The following MYBPH variants were observed in gnomAD, a reference collection of about 807,000 sequenced individuals.
MYBPH encodes the protein myosin-binding protein H.
Under a neutral mutation model 53.6 loss-of-function variants are expected in MYBPH, and 49 were observed. The ratio of observed to expected loss-of-function variants is 0.91; its 90% CI spans 0.73 to 1.16. The LOEUF (loss-of-function observed/expected upper bound fraction) is 1.16. MYBPH is among the 50% of genes most tolerant of loss of function. The pLI, the probability that MYBPH is intolerant of heterozygous loss-of-function variation, is 0.00. For missense variants in MYBPH, 558 were observed against 624.1 expected (o/e 0.89, Z 1.13); for synonymous variants, 239 against 249.6 (o/e 0.96, Z 0.40).
chr1:203,171,917 C>T lies in MYBPH; in HGVS notation c.597+35G>A. The T allele has an allele frequency of 1.6e-6, 2 of 1,266,852 alleles. No individual in the cohort carries two copies. The highest frequency in any genetic ancestry group is 1.0e-6 in the Non-Finnish European group (1 of 985,766). The allele number at this position is 1,266,852 out of a possible 1,614,324, so 78.5% of individuals were successfully genotyped here. A position where few individuals can be genotyped will look rare whatever the true frequency, so the allele number is the denominator to read the frequency against. ...CCTTAAATGGGGGCCCTGGTTCCCACCCAGGCTGTTACCCTTGGTGGGGGT... is the reference window on the plus strand; with the variant it reads ...CCTTAAATGGGGGCCCTGGTTCCCATCCAGGCTGTTACCCTTGGTGGGGGT... On this transcript the variant is annotated intron_variant, in intron 4 of 10. Coordinates refer to ENST00000255416, the MANE Select transcript of MYBPH (RefSeq NM_004997.3). The surrounding 1 kb of genome is among the most constrained non-coding windows in gnomAD (Gnocchi z 4.2).
At chr1:203,173,909 GC>G (rs1264677230) in intron 3 of MYBPH, among the ~76,000 whole-genome samples, 2 of 152,238 alleles carry the variant, frequency 1.3e-5, no homozygotes, top group African/African-American at 4.8e-5. Context: ...GGCCTGCGGG[GC>G]CCCAGTGAGG....
chr1:203,178,833 G>C (rs1190534530), upstream of MYBPH: 4 of 152,278 alleles, frequency 2.6e-5, no homozygotes, highest in Admixed American at 6.5e-5. Flanking sequence ...AAGCTCAGGG[G>C]TCCCAAGGCT....
At chr1:203,169,568 T>C (rs1655656751) in intron 7 of MYBPH, among the ~76,000 whole-genome samples, 179 bp from the exon 8 acceptor site, 1 of 151,748 alleles carries the variant, frequency 6.6e-6, no homozygotes, top group Non-Finnish European at 1.5e-5. Context: ...GGGTGATGAG[T>C]AGAGATGAGA....
intron 2 of MYBPH, 122 bp from the exon 3 acceptor site, chr1:203,174,719 C>A: frequency 2.8e-6 from 3 of 1,075,736 alleles, no homozygotes; most frequent in Non-Finnish European, 3.8e-6. Context: ...CTCATTTTCC[C>A]CTTGTTTGCC....
chr1:203,177,567 G>A (rs185875710), upstream of MYBPH, among the ~76,000 whole-genome samples: 264 of 152,292 alleles, frequency 1.7e-3, 1 homozygote, highest in East Asian at 0.014. Context: ...GGATGCCCTC[G>A]CCCTCTGCTA....
chr1:203,169,034 G>T lies in MYBPH; in HGVS notation c.1289C>A (p.Ala430Asp). Residue 430 changes from alanine to aspartate, a missense_variant, in exon 9 of 11, where the codon GCC becomes GAC. Physicochemically the swap from Ala to Asp is moderately radical, Grantham distance 126. Transcript: ENST00000255416. Reference protein sequence around the residue: ...MEIQGNPKYRALSEQGVCTLE... With the variant: ...MEIQGNPKYRDLSEQGVCTLE... Reference sequence around the variant, plus strand: ...GGTGCAGACGCCTTGCTCAGAGAGGGCGCGGTATTTGGGGTTGCCCTGGAT... The same window carrying T: ...GGTGCAGACGCCTTGCTCAGAGAGGTCGCGGTATTTGGGGTTGCCCTGGAT... The T allele has an allele frequency of 1.2e-6, 2 of 1,613,942 alleles. No homozygotes were observed. The highest frequency in any genetic ancestry group is 1.7e-6 in the Non-Finnish European group (2 of 1,180,028).
upstream of MYBPH, among the ~76,000 whole-genome samples, chr1:203,178,208 T>C (rs1013297241): frequency 1.3e-5 from 2 of 152,228 alleles, no homozygotes; most frequent in Non-Finnish European, 2.9e-5. Context: ...AAAATCTGTC[T>C]ATTCTTCTGA....
chr1:203,174,452 G>A lies in MYBPH; in HGVS notation c.486C>T (p.Pro162=). ...GAGPPAMLDQ[P]IHIRENIEAP... ...TACCAATGTTCTCTCGGATGTGGAT[G>A]GGCTGGTCCAGCATGGCCGGCGGGC... is the stretch of plus-strand genomic sequence containing the variant. Residue 162 remains proline (P), a synonymous_variant, in exon 3 of 11, where the codon CCC becomes CCT. Transcript: ENST00000255416. 6.2e-7 allele frequency: 1 copy of A among 1,603,430 alleles called. No individual in the cohort carries two copies. The highest frequency in any genetic ancestry group is 8.5e-7 in the Non-Finnish European group (1 of 1,171,974).
chr1:203,171,866 G>T lies in MYBPH; in HGVS notation c.597+86C>A. The T allele has an allele frequency of 1.1e-6, 1 of 894,776 alleles. No individual in the cohort carries two copies. The allele number at this position is 894,776 out of a possible 1,614,324, so 55.4% of individuals were successfully genotyped here. A position where few individuals can be genotyped will look rare whatever the true frequency, so the allele number is the denominator to read the frequency against. ...CTCGCTGGGTCTCAGCTGGACCCTT[G>T]GAGACCCTGCCATCTCCCAGGCTCC... is the stretch of plus-strand genomic sequence containing the variant. On this transcript the variant is annotated intron_variant, in intron 4 of 10. Coordinates refer to ENST00000255416, the MANE Select transcript of MYBPH (RefSeq NM_004997.3). The surrounding 1 kb of genome is among the most constrained non-coding windows in gnomAD (Gnocchi z 4.2).
intron 2 of MYBPH, among the ~76,000 whole-genome samples, chr1:203,174,830 C>T (rs1655768325): frequency 6.6e-6 from 1 of 152,138 alleles, no homozygotes; most frequent in Admixed American, 6.5e-5. Flanking sequence ...GGGTTGGACA[C>T]ATTTGCAAAG....
chr1:203,174,744 G>T, intron 2 of MYBPH, 147 bp from the exon 3 acceptor site: 1 of 912,392 alleles, frequency 1.1e-6, no homozygotes, highest in Non-Finnish European at 1.6e-6. Context: ...CTGACTTCTT[G>T]TCAAATGGCA....
intron 9 of MYBPH, 110 bp downstream of exon 9, chr1:203,168,796 A>T: frequency 2.5e-6 from 4 of 1,582,432 alleles, no homozygotes; most frequent in Non-Finnish European, 3.5e-6. Context: ...GCACAGCCTG[A>T]CCCCAGTCTT....
At chr1:203,178,465 C>T (rs934556799), upstream of MYBPH, among the ~76,000 whole-genome samples, 2 of 152,154 alleles carry the variant, frequency 1.3e-5, no homozygotes, top group South Asian at 2.1e-4. Context: ...ACTCCAGTCC[C>T]GAGAGGCAGG....
chr1:203,168,851 C>G (rs1655638078), intron 9 of MYBPH, 55 bp downstream of exon 9: 2 of 1,602,822 alleles, frequency 1.2e-6, no homozygotes, highest in African/African-American at 1.3e-5. Context: ...TCTGCTGCCT[C>G]TAGTCCAGTT....
chr1:203,176,860 G>A (rs569446119), upstream of MYBPH, among the ~76,000 whole-genome samples: 3 of 152,244 alleles, frequency 2.0e-5, no homozygotes, highest in Admixed American at 6.5e-5. Flanking sequence ...TGACCCAGCC[G>A]TGCCGCTCAT....
In MYBPH at chr1:203,175,327, C is replaced by T. The variant is rs943127816; in HGVS notation, c.340G>A (p.Ala114Thr). The change falls in exon 2 of 11, where the codon GCC becomes ACC. Residue 114 changes from alanine (A) to threonine (T), a missense_variant and splice_region_variant. Physicochemically the swap from Ala to Thr is moderately conservative, Grantham distance 58. Coordinates refer to ENST00000255416, the MANE Select transcript of MYBPH (RefSeq NM_004997.3). Reference protein sequence around the residue: ...GYVLELCREGASEWVPVSARP... With the variant: ...GYVLELCREGTSEWVPVSARP... ...ATGCAAGACTTAGCCCAGCACTCAC[C>T]TCCCTCTCTGCAGAGCTCCAGCACA... 5.9e-6 allele frequency: 9 copies of T among 1,519,228 alleles called. No homozygotes were observed. In the African/African-American group the frequency reaches 9.8e-5, roughly 16 times the overall value. The allele number at this position is 1,519,228 out of a possible 1,614,324, so 94.1% of individuals were successfully genotyped here.
Position 203,171,615 on chromosome 1 carries a change from G to A in MYBPH, c.598-37C>T, listed in dbSNP as rs759969346. 7.0e-6 allele frequency: 11 copies of A among 1,571,786 alleles called. No homozygotes were observed. In the Admixed American group the frequency reaches 1.6e-4, roughly 23 times the overall value. ...GAGCCCCCAGGGTGAGTGTAGGGAGGTGCCAGAGTCCCCACACCTCCTTAA... is the reference window on the plus strand; with the variant it reads ...GAGCCCCCAGGGTGAGTGTAGGGAGATGCCAGAGTCCCCACACCTCCTTAA... On this transcript the variant is annotated intron_variant, in intron 4 of 10. Coordinates refer to ENST00000255416, the MANE Select transcript of MYBPH (RefSeq NM_004997.3). The surrounding 1 kb of genome is among the most constrained non-coding windows in gnomAD (Gnocchi z 4.2).
chr1:203,168,550 A>C, intron 10 of MYBPH, 77 bp downstream of exon 10: 1 of 1,436,362 alleles, frequency 7.0e-7, no homozygotes. Flanking sequence ...TTCTCACCCC[A>C]ACCCCCTGCT....
In MYBPH at chr1:203,169,353, T is replaced by A; in HGVS notation, c.1130A>T (p.Asp377Val). The A allele has an allele frequency of 6.2e-7, 1 of 1,600,934 alleles. No individual in the cohort carries two copies. The highest frequency in any genetic ancestry group is 8.5e-7 in the Non-Finnish European group (1 of 1,172,714). ...GGTGAATGAGGGGGCTTCTGAGAAG[T>A]CTCGCTCAATAAACCCTTTAGGTTT... ...AAKPKGFIER[D>V]FSEAPSFTQP... The change falls in exon 8 of 11, where the codon GAC (aspartate) becomes GTC (valine). Residue 377 changes from aspartate (D) to valine (V), a missense_variant. By Grantham distance (152) the Asp-to-Val change is radical. Coordinates refer to ENST00000255416, the MANE Select transcript of MYBPH (RefSeq NM_004997.3).
Sources: gnomAD v4.1 joint callset for allele counts (sites outside exome capture counted in the v4.1 genomes callset) on GRCh38, gnomAD v4.1.1 for gene constraint, Gnocchi (gnomAD v3.1) non-coding constraint, MANE v1.5 for transcripts, NCBI Gene and HGNC (gene_info 2026-07-23, HGNC 2026-07-21) for gene names.